FERMT1: variants seen among roughly 807,000 people sequenced by gnomAD.
The protein encoded by FERMT1 is fermitin family homolog 1.
FERMT1 carries 60 observed loss-of-function variants against 85.3 expected under a neutral mutation model. That is an observed-to-expected ratio of 0.70 (90% confidence interval 0.57 to 0.87). The LOEUF is 0.87. Ranked by LOEUF, FERMT1 falls within the 40% of genes least tolerant of loss-of-function variation. The pLI, the probability that FERMT1 is intolerant of heterozygous loss-of-function variation, is 0.00. For missense variants in FERMT1, 701 were observed against 818.9 expected (o/e 0.86, Z 1.76); for synonymous variants, 275 against 301.1 (o/e 0.91, Z 0.90).
intron 9 of FERMT1, 93 bp from the exon 10 acceptor site, chr20:6,089,182 C>G (rs2123107286): frequency 7.9e-7 from 1 of 1,259,388 alleles, no homozygotes; most frequent in African/African-American, 1.5e-5. Context: ...ATGTTTGTGT[C>G]AAAGAAAACA....
At chr20:6,089,123 C>A in intron 9 of FERMT1, 34 bp from the exon 10 acceptor site, 1 of 1,603,566 alleles carries the variant, frequency 6.2e-7, no homozygotes, top group Non-Finnish European at 8.5e-7. Context: ...GTTTAAACCA[C>A]CACCCAGAAA....
intron 5 of FERMT1, among the ~76,000 whole-genome samples, chr20:6,109,613 G>C (rs1982889149): frequency 6.6e-6 from 1 of 152,166 alleles, no homozygotes; most frequent in Non-Finnish European, 1.5e-5. Flanking sequence ...AAAGAGAAGA[G>C]CGACAGCTGG....
intron 6 of FERMT1, among the ~76,000 whole-genome samples, chr20:6,099,830 TAAAAAAAAAAAA>T (rs112369032): frequency 4.2e-5 from 5 of 120,464 alleles, no homozygotes; most frequent in African/African-American, 1.6e-4. Flanking sequence ...TCACTGTTTC[TAAAAAAAAAAAA>T]AAAAAAAAAA....
At chr20:6,083,703 A>C (rs1250699804) in intron 13 of FERMT1, among the ~76,000 whole-genome samples, 2 of 149,728 alleles carry the variant, frequency 1.3e-5, no homozygotes, top group African/African-American at 2.5e-5. Context: ...TAAAAAAAAA[A>C]AACAAAAAAA....
chr20:6,094,822 C>T, intron 9 of FERMT1, 117 bp downstream of exon 9: 1 of 740,406 alleles, frequency 1.4e-6, no homozygotes, highest in South Asian at 1.4e-5. Flanking sequence ...TGGCAAAGCG[C>T]ACATTTTACC....
At chr20:6,097,100 T>C in intron 7 of FERMT1, 67 bp from the exon 8 acceptor site, 1 of 1,510,526 alleles carries the variant, frequency 6.6e-7, no homozygotes, top group East Asian at 2.3e-5. Context: ...ATGAATCCAT[T>C]AGCCATTTTT....
chr20:6,095,087 C>A, intron 8 of FERMT1, 99 bp from the exon 9 acceptor site: 1 of 726,568 alleles, frequency 1.4e-6, no homozygotes, highest in South Asian at 1.5e-5. Flanking sequence ...GCTATATGTG[C>A]CTATTTAAAT....
At chr20:6,116,190 TA>T in intron 2 of FERMT1, 146 bp from the exon 3 acceptor site, 4 of 686,842 alleles carry the variant, frequency 5.8e-6, no homozygotes, top group Non-Finnish European at 1.0e-5. Context: ...ATTCAAGGCT[TA>T]ACAACTTTTG....
intron 11 of FERMT1, among the ~76,000 whole-genome samples, chr20:6,087,341 T>G (rs376206976): frequency 1.4e-4 from 21 of 152,172 alleles, no homozygotes; most frequent in African/African-American, 5.1e-4. Context: ...AACAGAGTCT[T>G]GCTCTGTCAC....
Position 6,083,927 on chromosome 20 carries a change from A to G in FERMT1, c.1718+113T>C, listed in dbSNP as rs1180540096. ...TCAGGACTATTTATAAAAGGGCAAT[A>G]TTCTCAAATAAAAAGCATTCTATAT... On this transcript the variant is annotated intron_variant, in intron 13 of 14. Coordinates refer to ENST00000217289, the MANE Select transcript of FERMT1 (RefSeq NM_017671.5). The G allele has an allele frequency of 7.2e-6, 9 of 1,256,160 alleles. No homozygotes were observed. In the East Asian group the frequency reaches 2.2e-4, roughly 30 times the overall value. 77.8% of individuals were successfully genotyped at this position (1,256,160 alleles called of 1,614,324 possible).
At chr20:6,078,074 A>G (rs1220337247) in intron 14 of FERMT1, among the ~76,000 whole-genome samples, 1 of 152,230 alleles carries the variant, frequency 6.6e-6, no homozygotes, top group Non-Finnish European at 1.5e-5. Context: ...TCTAAGCACT[A>G]GAAGAAAGAC....
Position 6,110,418 on chromosome 20 carries a change from C to A in FERMT1, c.626G>T (p.Ser209Ile). The A allele has an allele frequency of 6.2e-7, 1 of 1,614,076 alleles. No individual in the cohort carries two copies. Among genetic ancestry groups the A allele is most frequent in the Non-Finnish European group, 8.5e-7 (1 of 1,180,014 alleles). The change falls in exon 5 of 15, where the codon AGC becomes ATC. Residue 209 changes from serine to isoleucine, a missense_variant. Physicochemically the swap from Ser to Ile is moderately radical, Grantham distance 142. Coordinates refer to ENST00000217289, the MANE Select transcript of FERMT1 (RefSeq NM_017671.5). ...ASSTMTWFSD[S>I]PLTEQNCSIL... ...GCTGCAGTTTTGTTCCGTCAAAGGG[C>A]TGTCACTGAACCAAGTCATGGTGGA...
chr20:6,088,281 C>T (rs749921), intron 10 of FERMT1, among the ~76,000 whole-genome samples: 6 of 152,096 alleles, frequency 3.9e-5, no homozygotes, highest in Admixed American at 2.0e-4. Flanking sequence ...GTTATCAGGA[C>T]GCTCACAGTG....
At position 6,079,543 on chromosome 20, in the gene FERMT1, C is replaced by A. The variant is rs1027291712; in HGVS notation, c.1753G>T (p.Val585Phe). ...ATTTTAATCAACCTGTTATATGAAA[C>A]TCCCAGAATGTCATCTTTTTTGCTT... is the stretch of plus-strand genomic sequence containing the variant. The part of the protein sequence containing the change: ...KGSKKDDILG[V>F]SYNRLIKIDA... Residue 585 changes from valine (V) to phenylalanine (F), a missense_variant, in exon 14 of 15, where the codon GTT becomes TTT. Physicochemically the swap from Val to Phe is conservative, Grantham distance 50. Coordinates refer to ENST00000217289, the MANE Select transcript of FERMT1 (RefSeq NM_017671.5). 1 of 1,614,000 alleles carries A rather than the reference C, an allele frequency of 6.2e-7. No individual in the cohort carries two copies. The highest frequency in any genetic ancestry group is 8.5e-7 in the Non-Finnish European group (1 of 1,179,906).
At chr20:6,113,247 G>T (rs1316421079) in intron 3 of FERMT1, among the ~76,000 whole-genome samples, 2 of 152,258 alleles carry the variant, frequency 1.3e-5, no homozygotes, top group East Asian at 3.9e-4. Context: ...CTTCCTCCAT[G>T]ATTGTGAGGC....
At chr20:6,077,458 G>T in intron 14 of FERMT1, 112 bp from the exon 15 acceptor site, 6 of 946,688 alleles carry the variant, frequency 6.3e-6, no homozygotes, top group Non-Finnish European at 8.3e-6. Flanking sequence ...GATAACAGAT[G>T]GATATCCCTC....
Position 6,107,645 on chromosome 20 carries a change from A to T in FERMT1, c.747-11T>A. 13 of 1,526,220 alleles carry T rather than the reference A, an allele frequency of 8.5e-6. No homozygotes were observed. The highest frequency in any genetic ancestry group is 1.2e-5 in the Non-Finnish European group (13 of 1,100,554). 94.5% of individuals were successfully genotyped at this position (1,526,220 alleles called of 1,614,324 possible). A position where few individuals can be genotyped will look rare whatever the true frequency, so the allele number is the denominator to read the frequency against. On this transcript the variant is annotated splice_polypyrimidine_tract_variant and intron_variant, in intron 5 of 14. Coordinates refer to ENST00000217289, the MANE Select transcript of FERMT1 (RefSeq NM_017671.5). The stretch of plus-strand genomic sequence containing the variant: ...GAGGAGTCTAGCCAACTAGAAAATG[A>T]CAGCATGAGTTTTAGAAGCCAGTCA...
chr20:6,091,436 G>T (rs1982361870), intron 9 of FERMT1, among the ~76,000 whole-genome samples: 1 of 151,770 alleles, frequency 6.6e-6, no homozygotes, highest in South Asian at 2.1e-4. Context: ...CATCATGTTG[G>T]CTAGACTGGT....
chr20:6,113,403 T>C (rs1983013348), intron 3 of FERMT1, among the ~76,000 whole-genome samples: 1 of 152,218 alleles, frequency 6.6e-6, no homozygotes, highest in African/African-American at 2.4e-5. Context: ...TTCCAGTTTT[T>C]TAAACAACCA....
Sources: gnomAD v4.1 joint callset for allele counts (sites outside exome capture counted in the v4.1 genomes callset) on GRCh38, gnomAD v4.1.1 for gene constraint, MANE v1.5 for transcripts, NCBI Gene and HGNC (gene_info 2026-07-23, HGNC 2026-07-21) for gene names.